The following NFKBID variants were observed in gnomAD, a reference collection of about 807,000 sequenced individuals.
NFKBID encodes NFKB inhibitor delta.
A neutral mutation model predicts 53.4 loss-of-function variants in NFKBID; 26 were observed. The observed-to-expected ratio is 0.49, with a 90% CI of 0.36 to 0.68. NFKBID has a LOEUF of 0.68. Ranked by LOEUF, NFKBID falls within the 30% of genes least tolerant of loss-of-function variation. The probability of loss-of-function intolerance (pLI) is 0.00; values close to 1 mark genes in which losing one functional copy is unlikely to be tolerated. For synonymous variants in NFKBID, 262 were observed against 259.8 expected (o/e 1.01, Z -0.08); for missense variants, 493 against 614.1 (o/e 0.80, Z 2.08).
At chr19:35,891,958 C>G (rs1474195562) in intron 9 of NFKBID, among the ~76,000 whole-genome samples, 6 of 152,078 alleles carry the variant, frequency 3.9e-5, no homozygotes, top group African/African-American at 1.4e-4. Flanking sequence ...CCAAGGCTCA[C>G]TGTAGCCTCA....
upstream of NFKBID, chr19:35,902,247 C>T: frequency 4.3e-6 from 3 of 703,768 alleles, no homozygotes; most frequent in Non-Finnish European, 7.8e-6. Context: ...TGCCAGAAGG[C>T]TTGGCTGTCT....
Position 35,888,669 on chromosome 19 carries a change from A to C in NFKBID, c.1315-57T>G, listed in dbSNP as rs550236962. 12 of 1,337,786 alleles carry C rather than the reference A, an allele frequency of 9.0e-6. No homozygotes were observed. In the East Asian group the frequency reaches 3.0e-4, roughly 33 times the overall value. 82.9% of individuals were successfully genotyped at this position (1,337,786 alleles called of 1,614,324 possible). A position where few individuals can be genotyped will look rare whatever the true frequency, so the allele number is the denominator to read the frequency against. On this transcript the variant is annotated intron_variant, in intron 11 of 11. Transcript: ENST00000641389. Reference sequence around the variant, plus strand: ...TGTCAGGTTGGAAGGAGAGGTGGGGAAGGCACGCCATGCAGAGGGAGGGGC... The same window carrying C: ...TGTCAGGTTGGAAGGAGAGGTGGGGCAGGCACGCCATGCAGAGGGAGGGGC...
At chr19:35,893,784 C>T (rs1001352368) in intron 9 of NFKBID, among the ~76,000 whole-genome samples, 1 of 149,112 alleles carries the variant, frequency 6.7e-6, no homozygotes, top group African/African-American at 2.5e-5. Context: ...CGCACCACTG[C>T]ACTCCAGCCT....
intron 9 of NFKBID, among the ~76,000 whole-genome samples, chr19:35,892,615 C>T (rs976286525): frequency 3.9e-5 from 6 of 151,978 alleles, no homozygotes; most frequent in Non-Finnish European, 7.4e-5. Context: ...TCCCAGAACC[C>T]TACCACACAG....
chr19:35,899,135 C>T (rs540805194), intron 1 of NFKBID, among the ~76,000 whole-genome samples: 2 of 152,306 alleles, frequency 1.3e-5, no homozygotes, highest in South Asian at 4.1e-4. Context: ...AAATTCCACC[C>T]CCAGATATCC....
chr19:35,895,493 C>CA (rs1024249939), intron 9 of NFKBID, among the ~76,000 whole-genome samples: 8 of 148,926 alleles, frequency 5.4e-5, no homozygotes, highest in East Asian at 2.0e-4. Context: ...GTCTCAAAAA[C>CA]AAAAAAACAA....
chr19:35,895,512 A>G lies in NFKBID; in HGVS notation c.1032+468T>C, dbSNP rs1478787352. Among the ~76,000 whole-genome samples, 4 of 140,708 alleles carry G rather than the reference A, an allele frequency of 2.8e-5. No individual in the cohort carries two copies. The South Asian group carries it at 6.9e-4, about 24-fold the overall frequency. The allele number at this position is 140,708 out of a possible 152,430, so 92.3% of individuals were successfully genotyped here. A position where few individuals can be genotyped will look rare whatever the true frequency, so the allele number is the denominator to read the frequency against. On this transcript the variant is annotated intron_variant, in intron 9 of 11. Transcript: ENST00000641389. The stretch of plus-strand genomic sequence containing the variant: ...CAAAAACAAAAAAACAAACAAACAA[A>G]AAAACCCTGCTGGGCGCGGTGGCTC...
At chr19:35,898,616 C>T (rs1975357292) in intron 2 of NFKBID, 84 bp from the exon 3 acceptor site, 2 of 1,398,228 alleles carry the variant, frequency 1.4e-6, no homozygotes, top group Admixed American at 2.3e-5. Context: ...TAAGACATTT[C>T]GGTCAGGACC....
Position 35,896,222 on chromosome 19 carries a change from G to A in NFKBID, c.879C>T (p.Phe293=), listed in dbSNP as rs774855934. 2.9e-5 allele frequency: 46 copies of A among 1,614,034 alleles called. No individual in the cohort carries two copies. The highest frequency in any genetic ancestry group is 2.0e-4 in the Admixed American group (12 of 59,996). Reference sequence around the variant, plus strand: ...CCCTGCCCACACCCAACTTACCCTCGAAGTCTCTGGCTTCCAGGTCAACCT... The same window carrying A: ...CCCTGCCCACACCCAACTTACCCTCAAAGTCTCTGGCTTCCAGGTCAACCT... Residue 293 remains phenylalanine, a synonymous_variant, in exon 8 of 12, where the codon TTC becomes TTT. Transcript: ENST00000641389. This position sits in a 1 kb window ranked among gnomAD's most constrained non-coding sequence, Gnocchi z 5.7.
rs769380691 is a variant in NFKBID at position 35,896,974 on chromosome 19, G to A, written c.517C>T (p.Arg173Ter). Residue 173 changes from arginine to a stop codon, truncating the protein, a stop_gained, in exon 5 of 12, where the codon CGA (arginine) becomes TGA (stop). Transcript: ENST00000641389. LOFTEE classifies it high-confidence loss of function. The surrounding 1 kb of genome is among the most constrained non-coding windows in gnomAD (Gnocchi z 5.7). The stretch of plus-strand genomic sequence containing the variant: ...GGCCCCAAAGCCAGCATGTGAGCTC[G>A]GGCCACCTCCAGCGATGGTCCAGGG... 3.1e-6 allele frequency: 5 copies of A among 1,608,628 alleles called. No homozygotes were observed. Among genetic ancestry groups the A allele is most frequent in the Non-Finnish European group, 3.4e-6 (4 of 1,177,670 alleles).
At chr19:35,891,366 G>C (rs1006368171) in intron 9 of NFKBID, among the ~76,000 whole-genome samples, 57 of 152,116 alleles carry the variant, frequency 3.7e-4, no homozygotes, top group African/African-American at 1.4e-3. Flanking sequence ...TCCAAAAAAT[G>C]ATGAAGACAA....
At chr19:35,892,988 G>A (rs1974876769) in intron 9 of NFKBID, among the ~76,000 whole-genome samples, 1 of 152,120 alleles carries the variant, frequency 6.6e-6, no homozygotes, top group Non-Finnish European at 1.5e-5. Context: ...AACATAGTGA[G>A]ACCCCCCCTC....
intron 11 of NFKBID, 26 bp from the exon 12 acceptor site, chr19:35,888,638 G>T (rs1268971976): frequency 3.2e-6 from 5 of 1,561,272 alleles, no homozygotes; most frequent in Non-Finnish European, 4.3e-6. Context: ...AGGAGGGAGA[G>T]AAGTCTGTCA....
chr19:35,896,550 A>C lies in NFKBID; in HGVS notation c.685-12T>G. On this transcript the variant is annotated splice_polypyrimidine_tract_variant and intron_variant, in intron 6 of 11. Coordinates refer to ENST00000641389, the Ensembl canonical transcript of NFKBID. The surrounding 1 kb of genome is among the most constrained non-coding windows in gnomAD (Gnocchi z 5.7). ...ACCAGGAGAGGGGTCTGCAGGCCAC[A>C]GGAGAAGTCAGGTTGGGCTCCTGGT... 6.2e-7 allele frequency: 1 copy of C among 1,613,486 alleles called. No homozygotes were observed. Among genetic ancestry groups the C allele is most frequent in the Non-Finnish European group, 8.5e-7 (1 of 1,179,610 alleles).
chr19:35,890,077 G>A (rs777011250), intron 10 of NFKBID, 23 bp from the exon 11 acceptor site: 2 of 1,585,012 alleles, frequency 1.3e-6, no homozygotes, highest in Admixed American at 3.6e-5. Flanking sequence ...GGGGAGGGCT[G>A]GTGGGGATCT....
intron 2 of NFKBID, 62 bp from the exon 3 acceptor site, chr19:35,898,594 G>T: frequency 7.0e-7 from 1 of 1,437,192 alleles, no homozygotes; most frequent in Non-Finnish European, 9.4e-7. Context: ...CTCCGGGTCT[G>T]TCTCGGATCT....
At chr19:35,900,388 C>T (rs938239822) in intron 1 of NFKBID, 54 bp downstream of exon 1, 42 of 1,200,518 alleles carry the variant, frequency 3.5e-5, no homozygotes, top group Non-Finnish European at 4.3e-5. Context: ...GTCTTTCGAT[C>T]CTCAGTCCCT....
At chr19:35,891,448 A>AT (rs1314608633) in intron 9 of NFKBID, among the ~76,000 whole-genome samples, 9 of 152,178 alleles carry the variant, frequency 5.9e-5, no homozygotes, top group East Asian at 3.9e-4. Flanking sequence ...TTGGATCTTG[A>AT]TTTTTTTTAA....
intron 11 of NFKBID, 45 bp downstream of exon 11, chr19:35,889,845 G>T (rs769374732): frequency 3.2e-6 from 5 of 1,554,156 alleles, no homozygotes; most frequent in South Asian, 2.3e-5. Context: ...TCCCGCGCCC[G>T]CGAGCTCAGA....
Sources: gnomAD v4.1 joint callset for allele counts (sites outside exome capture counted in the v4.1 genomes callset) on GRCh38, gnomAD v4.1.1 for gene constraint, Gnocchi (gnomAD v3.1) non-coding constraint, MANE v1.5 for transcripts, NCBI Gene and HGNC (gene_info 2026-07-23, HGNC 2026-07-21) for gene names.